SEMA5A: variants seen among roughly 807,000 people sequenced by gnomAD.
SEMA5A encodes the protein semaphorin-5A.
A neutral mutation model predicts 135.5 loss-of-function variants in SEMA5A; 55 were observed. The ratio of observed to expected loss-of-function variants is 0.41; its 90% confidence interval spans 0.33 to 0.51. The LOEUF (loss-of-function observed/expected upper bound fraction) is 0.51, where lower values mean the gene tolerates loss of function less well. SEMA5A is among the 20% of genes least tolerant of loss of function. The pLI, the probability that SEMA5A is intolerant of heterozygous loss-of-function variation, is 0.37. For synonymous variants in SEMA5A, 580 were observed against 546.5 expected, an observed-to-expected ratio of 1.06 and a Z score of -0.85; for missense variants, 1,290 against 1,419.9, an observed-to-expected ratio of 0.91 and a Z score of 1.47.
intron 1 of SEMA5A, among the ~76,000 whole-genome samples, chr5:9,543,227 A>C (rs1322400254): frequency 1.3e-5 from 2 of 152,186 alleles, no homozygotes; most frequent in Non-Finnish European, 2.9e-5. Flanking sequence ...TCTGGAACTA[A>C]ATTTCTTACT....
At chr5:9,058,765 G>A (rs925206122) in intron 18 of SEMA5A, among the ~76,000 whole-genome samples, 3 of 152,138 alleles carry the variant, frequency 2.0e-5, no homozygotes, top group Non-Finnish European at 1.5e-5. Flanking sequence ...ACAGTCTCTC[G>A]GGACATGGGC....
At chr5:9,502,273 A>T (rs905249345) in intron 1 of SEMA5A, among the ~76,000 whole-genome samples, 1 of 152,190 alleles carries the variant, frequency 6.6e-6, no homozygotes, top group Non-Finnish European at 1.5e-5. Flanking sequence ...TAACACGCAT[A>T]GTTGGAATTT....
At chr5:9,445,387 G>A (rs1405352555) in intron 1 of SEMA5A, among the ~76,000 whole-genome samples, 1 of 151,708 alleles carries the variant, frequency 6.6e-6, no homozygotes, top group South Asian at 2.1e-4. Context: ...AAAAAAAAGT[G>A]GGCCGGGCAC....
intron 2 of SEMA5A, among the ~76,000 whole-genome samples, chr5:9,387,198 T>A (rs1161011576): frequency 6.6e-6 from 1 of 152,188 alleles, no homozygotes; most frequent in Non-Finnish European, 1.5e-5. Context: ...TCACATGACC[T>A]GAATCACCCC....
intron 8 of SEMA5A, among the ~76,000 whole-genome samples, chr5:9,223,984 G>A (rs1396259389): frequency 6.6e-6 from 1 of 152,110 alleles, no homozygotes; most frequent in African/African-American, 2.4e-5. Flanking sequence ...GGATGAAAAG[G>A]GGAGAGGGAT....
At chr5:9,467,628 G>A (rs992531134) in intron 1 of SEMA5A, among the ~76,000 whole-genome samples, 16 of 152,158 alleles carry the variant, frequency 1.1e-4, no homozygotes, top group Non-Finnish European at 2.9e-5. Context: ...CTGTAAGCAT[G>A]GGTGGCTTTC....
At chr5:9,342,365 G>A (rs997910221) in intron 3 of SEMA5A, among the ~76,000 whole-genome samples, 1 of 152,134 alleles carries the variant, frequency 6.6e-6, no homozygotes, top group African/African-American at 2.4e-5. Flanking sequence ...CACTGACCAG[G>A]GAAACCTCCC....
rs1218362580 is a variant in SEMA5A, at chr5:9,204,482, A to G, written c.647-2242T>C. 6.6e-6 allele frequency among the ~76,000 whole-genome samples: 1 copy of G among 152,270 alleles called. No individual in the cohort carries two copies. The highest frequency in any genetic ancestry group is 1.5e-5 in the Non-Finnish European group (1 of 68,052). The stretch of plus-strand genomic sequence containing the variant: ...AAGATCTTTTATGGTTTCCAGCTGA[A>G]GGATGAGTTTATAATAAAAACAGCT... On this transcript the variant is annotated intron_variant, in intron 8 of 22. Transcript: ENST00000382496. The surrounding 1 kb of genome is among the most constrained non-coding windows in gnomAD (Gnocchi z 6.4).
intron 13 of SEMA5A, among the ~76,000 whole-genome samples, chr5:9,131,073 T>C (rs1741385064): frequency 6.6e-6 from 1 of 152,200 alleles, no homozygotes; most frequent in Admixed American, 6.5e-5. Flanking sequence ...TTGCTCCTTG[T>C]ATTTTGTTAC....
intron 1 of SEMA5A, among the ~76,000 whole-genome samples, chr5:9,462,646 T>C (rs767557338): frequency 1.4e-4 from 22 of 152,156 alleles, no homozygotes; most frequent in Middle Eastern, 3.4e-3. Context: ...TATGCAGCCA[T>C]TAAAAAAATC....
intron 15 of SEMA5A, 107 bp downstream of exon 15, chr5:9,118,891 A>G: frequency 6.6e-6 from 9 of 1,362,374 alleles, no homozygotes; most frequent in Non-Finnish European, 8.9e-6. Flanking sequence ...AAGGGATGCC[A>G]CACATAAGCT....
At chr5:9,537,335 C>G (rs1245633798) in intron 1 of SEMA5A, among the ~76,000 whole-genome samples, 1 of 152,208 alleles carries the variant, frequency 6.6e-6, no homozygotes, top group African/African-American at 2.4e-5. Context: ...ACCAGCCAGT[C>G]TGTTTAACTG....
intron 10 of SEMA5A, among the ~76,000 whole-genome samples, chr5:9,192,933 C>A (rs1024397568): frequency 2.0e-5 from 3 of 151,716 alleles, no homozygotes; most frequent in Non-Finnish European, 4.4e-5. Flanking sequence ...TCTTGCTGTT[C>A]TTAAGGAACC....
In SEMA5A at chr5:9,463,921, C is replaced by T. The variant is rs542930505; in HGVS notation, c.-174-26069G>A. Among the ~76,000 whole-genome samples, 8 of 152,262 alleles carry T rather than the reference C, an allele frequency of 5.3e-5. No individual in the cohort carries two copies. In the East Asian group the frequency reaches 1.5e-3, roughly 29 times the overall value. On this transcript the variant is annotated intron_variant, in intron 1 of 22. Transcript: ENST00000382496. ...TGGGGGAACATTATCTATGTTGTTA[C>T]TGGTTGATAAGCTACACTCTAAAGG... is the stretch of plus-strand genomic sequence containing the variant.
At chr5:9,368,769 A>G (rs959975419) in intron 3 of SEMA5A, among the ~76,000 whole-genome samples, 4 of 152,150 alleles carry the variant, frequency 2.6e-5, no homozygotes, top group Non-Finnish European at 5.9e-5. Context: ...TCCATTTTAC[A>G]TAATTAATTT....
At chr5:9,405,863 A>G (rs572718532) in intron 2 of SEMA5A, among the ~76,000 whole-genome samples, 42 of 152,308 alleles carry the variant, frequency 2.8e-4, no homozygotes, top group African/African-American at 1.0e-3. Context: ...GAGGTCACCA[A>G]CTCATCCACG....
chr5:9,061,909 A>G (rs1313371176), intron 18 of SEMA5A, among the ~76,000 whole-genome samples: 3 of 151,774 alleles, frequency 2.0e-5, no homozygotes, highest in Non-Finnish European at 4.4e-5. Flanking sequence ...CAGGGGTTGC[A>G]TGTTTGATAC....
At chr5:9,221,337 G>T (rs367972603) in intron 8 of SEMA5A, among the ~76,000 whole-genome samples, 2 of 122,106 alleles carry the variant, frequency 1.6e-5, no homozygotes, top group Non-Finnish European at 3.3e-5. Flanking sequence ...GAGTCTCGCT[G>T]TGTCACCCAG....
At chr5:9,522,290 G>A (rs1736877113) in intron 1 of SEMA5A, among the ~76,000 whole-genome samples, 1 of 152,182 alleles carries the variant, frequency 6.6e-6, no homozygotes, top group African/African-American at 2.4e-5. Flanking sequence ...TTGCAAATAA[G>A]AGGAGAAGTA....
Sources: allele counts gnomAD v4.1 joint callset (sites outside exome capture counted in the v4.1 genomes callset), GRCh38; gene constraint gnomAD v4.1.1; non-coding constraint Gnocchi (gnomAD v3.1); transcripts MANE v1.5; gene names NCBI Gene and HGNC (gene_info 2026-07-23, HGNC 2026-07-21).